The following PLXND1 variants were observed in gnomAD, a reference collection of about 807,000 sequenced individuals.
PLXND1 encodes plexin D1.
A neutral mutation model predicts 197.7 loss-of-function variants in PLXND1; 54 were observed. The observed-to-expected ratio is 0.27, with a 90% CI of 0.22 to 0.34. The LOEUF is 0.34. PLXND1 is among the 10% of genes least tolerant of loss of function. The pLI is 1.00. For synonymous variants in PLXND1, 1,180 were observed against 1,161.2 expected, an observed-to-expected ratio of 1.02 and a Z score of -0.33; for missense variants, 2,127 against 2,699.2, an observed-to-expected ratio of 0.79 and a Z score of 4.70.
In PLXND1 at chr3:129,605,401, G is replaced by A. The variant is rs1253597335; in HGVS notation, c.1239C>T (p.Pro413=). ...CGCTGTCGAGCACCGCCACCACGTC[G>A]GGCGCCGGTTCCACGAAGCAGGCGG... ...ARTACFVEPA[P]DVVAVLDSVV... The change falls in exon 1 of 36, where the codon CCC becomes CCT. Residue 413 remains proline, a synonymous_variant. Coordinates refer to ENST00000324093, the MANE Select transcript of PLXND1 (RefSeq NM_015103.3). The A allele has an allele frequency of 1.3e-6, 2 of 1,500,016 alleles. No individual in the cohort carries two copies. Among genetic ancestry groups the A allele is most frequent in the African/African-American group, 1.5e-5 (1 of 68,562 alleles). The allele number at this position is 1,500,016 out of a possible 1,614,324, so 92.9% of individuals were successfully genotyped here.
chr3:129,565,740 G>A (rs1578313300), intron 24 of PLXND1, 147 bp downstream of exon 24: 5 of 944,286 alleles, frequency 5.3e-6, no homozygotes, highest in African/African-American at 3.3e-5. Flanking sequence ...CGTGCCCCGT[G>A]AGCCAAGGTC....
At chr3:129,561,357 T>A (rs897084876) in intron 29 of PLXND1, among the ~76,000 whole-genome samples, 3 of 152,190 alleles carry the variant, frequency 2.0e-5, no homozygotes, top group Non-Finnish European at 1.5e-5. Context: ...GAGACGGGCA[T>A]GCTGGCCCCC....
chr3:129,598,802 C>T (rs998737659), intron 1 of PLXND1, among the ~76,000 whole-genome samples: 1 of 152,164 alleles, frequency 6.6e-6, no homozygotes, highest in Non-Finnish European at 1.5e-5. Context: ...CCTGCTCCAC[C>T]TGGAGCACCA....
At chr3:129,586,440 T>C (rs999903864) in intron 3 of PLXND1, 148 bp downstream of exon 3, 15 of 1,115,708 alleles carry the variant, frequency 1.3e-5, no homozygotes, top group Non-Finnish European at 1.8e-5. Flanking sequence ...AGGTCGGTGT[T>C]GGGAGGCGCA....
rs138323917 is a variant in PLXND1, at chr3:129,587,470, G to A, written c.1489-751C>T. 7.2e-3 allele frequency among the ~76,000 whole-genome samples: 1,094 copies of A among 152,278 alleles called. 8 individuals are homozygous for A. Among genetic ancestry groups the A allele is most frequent in the Middle Eastern group, 0.037 (11 of 294 alleles). On this transcript the variant is annotated intron_variant, in intron 2 of 35. Coordinates refer to ENST00000324093, the MANE Select transcript of PLXND1 (RefSeq NM_015103.3). ...GTGTCCTCCTGAGGATGACAATACC[G>A]GTCAGAGCCCCACCAAACTCTGCTC...
In PLXND1 at chr3:129,557,225, T is replaced by G; in HGVS notation, c.5446-2A>C. On this transcript the variant is annotated splice_acceptor_variant, in intron 33 of 35. Transcript: ENST00000324093. LOFTEE classifies it high-confidence loss of function. The surrounding 1 kb of genome is among the most constrained non-coding windows in gnomAD (Gnocchi z 4.8). ...GAGGAGCTTGTTGGTTGGCGAATCC[T>G]GGGCAGAGAAGAGCGAGGGTGTTAG... The G allele has an allele frequency of 1.9e-6, 3 of 1,614,088 alleles. No homozygotes were observed. The highest frequency in any genetic ancestry group is 2.5e-6 in the Non-Finnish European group (3 of 1,180,002).
chr3:129,558,001 C>T lies in PLXND1; in HGVS notation c.5445+427G>A, dbSNP rs2084999459. Reference sequence around the variant, plus strand: ...CATGAATCTCAGAGCTCCTAGCCACCCATCACCCCTCTGCCCACCCCTTCA... The same window carrying T: ...CATGAATCTCAGAGCTCCTAGCCACTCATCACCCCTCTGCCCACCCCTTCA... On this transcript the variant is annotated intron_variant, in intron 33 of 35. Transcript: ENST00000324093. The surrounding 1 kb of genome is among the most constrained non-coding windows in gnomAD (Gnocchi z 4.1). Among the ~76,000 whole-genome samples, 1 of 152,216 alleles carries T rather than the reference C, an allele frequency of 6.6e-6. No individual in the cohort carries two copies. The highest frequency in any genetic ancestry group is 6.5e-5 in the Admixed American group (1 of 15,286).
intron 12 of PLXND1, among the ~76,000 whole-genome samples, chr3:129,574,100 C>T (rs1046927664): frequency 1.3e-5 from 2 of 152,208 alleles, no homozygotes; most frequent in Non-Finnish European, 1.5e-5. Context: ...GTCTCCTCCA[C>T]GCCACACTTC....
intron 1 of PLXND1, among the ~76,000 whole-genome samples, chr3:129,604,700 C>T (rs2085758636): frequency 6.6e-6 from 1 of 152,208 alleles, no homozygotes; most frequent in South Asian, 2.1e-4. Context: ...CGACTCATGC[C>T]CAAATACCTG....
chr3:129,581,700 A>G (rs1391849389), intron 8 of PLXND1, among the ~76,000 whole-genome samples: 1 of 152,236 alleles, frequency 6.6e-6, no homozygotes, highest in Admixed American at 6.5e-5. Flanking sequence ...CCCTAAGATC[A>G]TACAGCCACA....
At chr3:129,562,307 G>C (rs560984874) in intron 27 of PLXND1, among the ~76,000 whole-genome samples, 1 of 152,324 alleles carries the variant, frequency 6.6e-6, no homozygotes, top group South Asian at 2.1e-4. Flanking sequence ...GAGCCCAGGA[G>C]TTCAAGACCA....
chr3:129,585,649 C>T (rs563235039), intron 5 of PLXND1, among the ~76,000 whole-genome samples: 1 of 152,222 alleles, frequency 6.6e-6, no homozygotes, highest in Non-Finnish European at 1.5e-5. Flanking sequence ...CCTAGCTGTG[C>T]GACCTGCAGC....
rs2084986141 is a variant in PLXND1, at chr3:129,557,106, C to T, written c.5563G>A (p.Ala1855Thr). 1.9e-6 allele frequency: 3 copies of T among 1,614,074 alleles called. No homozygotes were observed. The highest frequency in any genetic ancestry group is 2.5e-6 in the Non-Finnish European group (3 of 1,180,024). The change falls in exon 34 of 36, where the codon GCC (alanine) becomes ACC (threonine). Residue 1855 changes from alanine to threonine, a missense_variant. By Grantham distance (58) the Ala-to-Thr change is moderately conservative. Transcript: ENST00000324093. This position sits in a 1 kb window ranked among gnomAD's most constrained non-coding sequence, Gnocchi z 4.8. ...ACCCTCGACTCCTCGGCCAGATGGG[C>T]ATTCATCTCTTGCTCGCTGAGCGGC... is the stretch of plus-strand genomic sequence containing the variant. The part of the protein sequence containing the change: ...MTPLSEQEMN[A>T]HLAEESRKYQ...
rs764840606 is a variant in PLXND1, at chr3:129,559,718, G to A, written c.5199C>T (p.Pro1733=). 3.1e-6 allele frequency: 5 copies of A among 1,613,258 alleles called. No homozygotes were observed. Among genetic ancestry groups the A allele is most frequent in the Non-Finnish European group, 4.2e-6 (5 of 1,179,762 alleles). The change falls in exon 32 of 36, where the codon CCC becomes CCT. Residue 1733 remains proline, a synonymous_variant. Coordinates refer to ENST00000324093, the MANE Select transcript of PLXND1 (RefSeq NM_015103.3). The stretch of plus-strand genomic sequence containing the variant: ...CGAAAAAGTACTTGACAGCCAGTGG[G>A]GGCTTGTCTTCACGGATACTCAGAA... ...KAILSIREDK[P]PLAVKYFFDF... is the part of the protein sequence containing the mutation.
chr3:129,570,987 C>A (rs777414916), intron 18 of PLXND1, 52 bp from the exon 19 acceptor site: 1 of 1,613,332 alleles, frequency 6.2e-7, no homozygotes, highest in Non-Finnish European at 8.5e-7. Context: ...CCGAGGCCCA[C>A]AGCTGAGGCT....
intron 24 of PLXND1, 51 bp downstream of exon 24, chr3:129,565,836 C>T: frequency 6.3e-7 from 1 of 1,595,740 alleles, no homozygotes; most frequent in East Asian, 2.2e-5. Flanking sequence ...TGCTGTGTGG[C>T]CTTGGACAGG....
At chr3:129,593,157 C>G (rs902628224) in intron 1 of PLXND1, among the ~76,000 whole-genome samples, 1 of 152,168 alleles carries the variant, frequency 6.6e-6, no homozygotes, top group African/African-American at 2.4e-5. Flanking sequence ...TCCCTACCTA[C>G]AACCCAGCTC....
At chr3:129,587,865 A>G (rs1357579757) in intron 2 of PLXND1, among the ~76,000 whole-genome samples, 2 of 152,164 alleles carry the variant, frequency 1.3e-5, no homozygotes, top group Non-Finnish European at 2.9e-5. Flanking sequence ...CACCAACTCA[A>G]AATTACCTTC....
rs201058824 is a variant in PLXND1 at position 129,557,271 on chromosome 3, G to A, written c.5446-48C>T. 2.3e-5 allele frequency: 37 copies of A among 1,608,236 alleles called. No homozygotes were observed. Among genetic ancestry groups the A allele is most frequent in the Middle Eastern group, 1.7e-4 (1 of 6,044 alleles). On this transcript the variant is annotated intron_variant, in intron 33 of 35. Transcript: ENST00000324093. This position sits in a 1 kb window ranked among gnomAD's most constrained non-coding sequence, Gnocchi z 4.8. ...GTTAGATGGCTGCTGGAGAAAGGAC[G>A]GATCTGGTCGTTTTCTGGATGAGCC...
Sources: gnomAD v4.1 joint callset for allele counts (sites outside exome capture counted in the v4.1 genomes callset) on GRCh38, gnomAD v4.1.1 for gene constraint, Gnocchi (gnomAD v3.1) non-coding constraint, MANE v1.5 for transcripts, NCBI Gene and HGNC (gene_info 2026-07-23, HGNC 2026-07-21) for gene names.